VWA3A: variants seen among roughly 807,000 people sequenced by gnomAD.
VWA3A encodes von Willebrand factor A domain-containing protein 3A.
VWA3A carries 134 observed loss-of-function variants against 160.4 expected under a neutral mutation model. The observed-to-expected ratio is 0.84, with a 90% confidence interval of 0.73 to 0.96. The LOEUF (loss-of-function observed/expected upper bound fraction) is 0.96, where lower values mean the gene tolerates loss of function less well. VWA3A is among the 40% of genes least tolerant of loss of function. The pLI is 0.00. For synonymous variants in VWA3A, 476 were observed against 543.4 expected, an observed-to-expected ratio of 0.88 and a Z score of 1.72; for missense variants, 1,310 against 1,447.9, an observed-to-expected ratio of 0.90 and a Z score of 1.55.
At chr16:22,103,404 G>A in intron 5 of VWA3A, 71 bp from the exon 6 acceptor site, 1 of 1,354,320 alleles carries the variant, frequency 7.4e-7, no homozygotes. Context: ...CCTGCCTTTT[G>A]TGTATGTAAG....
chr16:22,118,816 T>TC, intron 11 of VWA3A, 86 bp from the exon 12 acceptor site: 1 of 1,563,064 alleles, frequency 6.4e-7, no homozygotes, highest in Non-Finnish European at 8.7e-7. Context: ...TGCCTGGGCA[T>TC]TGGCCTGGCT....
At chr16:22,131,119 C>G (rs2045938705) in intron 17 of VWA3A, 86 bp from the exon 18 acceptor site, 2 of 1,241,488 alleles carry the variant, frequency 1.6e-6, no homozygotes, top group Admixed American at 4.0e-5. Flanking sequence ...AATTTTGTCC[C>G]CACTAAAAGC....
At chr16:22,140,959 A>C (rs1466175173) in intron 23 of VWA3A, among the ~76,000 whole-genome samples, 1 of 152,112 alleles carries the variant, frequency 6.6e-6, no homozygotes, top group African/African-American at 2.4e-5. Flanking sequence ...TAGTAACTAA[A>C]ACGATCAATG....
intron 25 of VWA3A, among the ~76,000 whole-genome samples, chr16:22,143,890 A>G (rs1442220954): frequency 6.6e-6 from 1 of 151,342 alleles, no homozygotes; most frequent in Non-Finnish European, 1.5e-5. Context: ...ACAGGCATGC[A>G]CCACCACTCC....
chr16:22,104,438 G>A (rs928968156), intron 6 of VWA3A, among the ~76,000 whole-genome samples: 5 of 152,046 alleles, frequency 3.3e-5, no homozygotes, highest in Non-Finnish European at 5.9e-5. Flanking sequence ...GCAGTGAGCC[G>A]AGATCACGCC....
chr16:22,131,877 G>A, intron 19 of VWA3A, 148 bp downstream of exon 19: 2 of 1,215,264 alleles, frequency 1.6e-6, no homozygotes, highest in African/African-American at 1.5e-5. Flanking sequence ...TAAGGATGCT[G>A]TTAAAATGCA....
intron 12 of VWA3A, among the ~76,000 whole-genome samples, chr16:22,119,664 T>C (rs1200854372): frequency 6.6e-6 from 1 of 152,116 alleles, no homozygotes; most frequent in Non-Finnish European, 1.5e-5. Flanking sequence ...AGCGAGGCCC[T>C]GTCTCAAAAA....
intron 16 of VWA3A, among the ~76,000 whole-genome samples, chr16:22,124,766 A>G (rs1448704652): frequency 3.3e-5 from 5 of 152,004 alleles, no homozygotes; most frequent in African/African-American, 1.2e-4. Context: ...TTATGGTTAA[A>G]CTACTTAAAC....
At chr16:22,143,082 G>A (rs976070221) in intron 25 of VWA3A, among the ~76,000 whole-genome samples, 3 of 151,640 alleles carry the variant, frequency 2.0e-5, no homozygotes, top group African/African-American at 7.3e-5. Context: ...ACTGGGAGGT[G>A]GAGGTTGCAG....
intron 27 of VWA3A, 119 bp downstream of exon 27, chr16:22,146,463 AT>A: frequency 1.3e-6 from 1 of 789,904 alleles, no homozygotes; most frequent in Non-Finnish European, 2.0e-6. Flanking sequence ...AGATCAGAGG[AT>A]TAGGCCAGGA....
At chr16:22,128,538 TA>T (rs1262663702) in intron 17 of VWA3A, among the ~76,000 whole-genome samples, 1 of 152,150 alleles carries the variant, frequency 6.6e-6, no homozygotes, top group Non-Finnish European at 1.5e-5. Context: ...CTCAAAGACC[TA>T]AAAACAGAAC....
At chr16:22,098,652 C>T (rs1228883491) in intron 3 of VWA3A, among the ~76,000 whole-genome samples, 2 of 152,140 alleles carry the variant, frequency 1.3e-5, no homozygotes, top group Admixed American at 1.3e-4. Context: ...ACATAATTAG[C>T]ATGGCCTAAA....
At position 22,149,943 on chromosome 16, in the gene VWA3A, C is replaced by T; in HGVS notation, c.3129+12C>T. 6.3e-7 allele frequency: 1 copy of T among 1,596,274 alleles called. No individual in the cohort carries two copies. Among genetic ancestry groups the T allele is most frequent in the Non-Finnish European group, 8.6e-7 (1 of 1,168,480 alleles). Reference sequence around the variant, plus strand: ...TGCAAGCATTGCTGGCAAGTCCCACCACGGAGCCCGACCTTGACGCAAAAC... The same window carrying T: ...TGCAAGCATTGCTGGCAAGTCCCACTACGGAGCCCGACCTTGACGCAAAAC... On this transcript the variant is annotated intron_variant, in intron 29 of 33. Coordinates refer to ENST00000389398, the MANE Select transcript of VWA3A (RefSeq NM_173615.5).
At position 22,126,351 on chromosome 16, in the gene VWA3A, C is replaced by T. The variant is rs77467927; in HGVS notation, c.1652+54C>T. 1,187 of 1,580,878 alleles carry T rather than the reference C, an allele frequency of 7.5e-4. 10 individuals carry two copies. The African/African-American group carries it at 0.015, about 20-fold the overall frequency. On this transcript the variant is annotated intron_variant, in intron 17 of 33. Coordinates refer to ENST00000389398, the MANE Select transcript of VWA3A (RefSeq NM_173615.5). ...GGGTGGGTCGTGTGTGTTTGGATGC[C>T]GTCATTGGGCTGAGGCTTTGGACGT...
At chr16:22,116,652 G>A (rs2045653342) in intron 9 of VWA3A, 107 bp from the exon 10 acceptor site, 3 of 843,948 alleles carry the variant, frequency 3.6e-6, no homozygotes, top group East Asian at 2.6e-5. Flanking sequence ...GACACAGGTG[G>A]CCAGTTAAGA....
Position 22,138,363 on chromosome 16 carries a change from G to A in VWA3A, c.2143G>A (p.Ala715Thr). The change falls in exon 22 of 34, where the codon GCC (alanine) becomes ACC (threonine). Residue 715 changes from alanine to threonine, a missense_variant. Ala to Thr is a moderately conservative substitution (Grantham distance 58, BLOSUM62 0). Transcript: ENST00000389398. ...GACCCTCCCAATCCCACTGCAGTGT[G>A]CCTTCCTCATGGCCTCCCTGAAGAA... is the stretch of plus-strand genomic sequence containing the variant. Reference protein sequence around the residue: ...EKALNYSQKCAFLMASLKNHS... With the variant: ...EKALNYSQKCTFLMASLKNHS... 1 of 1,587,580 alleles carries A rather than the reference G, an allele frequency of 6.3e-7. No homozygotes were observed. The highest frequency in any genetic ancestry group is 8.6e-7 in the Non-Finnish European group (1 of 1,167,440).
At chr16:22,153,751 T>TTC (rs2046388827) in intron 31 of VWA3A, among the ~76,000 whole-genome samples, 2 of 150,722 alleles carry the variant, frequency 1.3e-5, no homozygotes. Context: ...TTTTTTTTTT[T>TTC]TTTTTTGAGA....
At position 22,118,970 on chromosome 16, in the gene VWA3A, C is replaced by A; in HGVS notation, c.1059C>A (p.His353Gln). Residue 353 changes from histidine (H) to glutamine (Q), a missense_variant, in exon 12 of 34, where the codon CAC (histidine) becomes CAA (glutamine). By Grantham distance (24) the His-to-Gln change is conservative. Transcript: ENST00000389398. ...AGAAGGCCCAGAGCCTCCTCAGCCA[C>A]GTGCAAGCCCTGCAGCACAGCAGCC... ...EIQKAQSLLS[H>Q]VQALQHSSPC... 1 of 1,613,942 alleles carries A rather than the reference C, an allele frequency of 6.2e-7. No homozygotes were observed. The highest frequency in any genetic ancestry group is 2.2e-5 in the East Asian group (1 of 44,880).
At position 22,140,167 on chromosome 16, in the gene VWA3A, A is replaced by T. The variant is rs1263488789; in HGVS notation, c.2306A>T (p.Asp769Val). ...PLGARMSIKD[D>V]PDREKSPPLK... ...CCTGTTTTCTAGAGCATTAAAGATG[A>T]CCCTGACAGAGAGAAGAGCCCCCCG... The change falls in exon 23 of 34, where the codon GAC becomes GTC. Residue 769 changes from aspartate (D) to valine (V), a missense_variant. Physicochemically the swap from Asp to Val is radical, Grantham distance 152 (BLOSUM62 -3). Transcript: ENST00000389398. 9.9e-6 allele frequency: 16 copies of T among 1,613,360 alleles called. No homozygotes were observed. The highest frequency in any genetic ancestry group is 1.4e-5 in the Non-Finnish European group (16 of 1,179,668).
Sources: gnomAD v4.1 joint callset for allele counts (sites outside exome capture counted in the v4.1 genomes callset) on GRCh38, gnomAD v4.1.1 for gene constraint, MANE v1.5 for transcripts, NCBI Gene and HGNC (gene_info 2026-07-23, HGNC 2026-07-21) for gene names.